The following PDE3B variants were observed in gnomAD, a reference collection of about 807,000 sequenced individuals.
PDE3B encodes the protein cGMP-inhibited 3',5'-cyclic phosphodiesterase 3B.
A neutral mutation model predicts 116.8 loss-of-function variants in PDE3B; 66 were observed. That is an observed-to-expected ratio of 0.56 (90% CI 0.46 to 0.69). PDE3B has a LOEUF of 0.69. Ranked by LOEUF, PDE3B falls within the 30% of genes least tolerant of loss-of-function variation. The probability of loss-of-function intolerance (pLI) is 0.00; values close to 1 mark genes in which losing one functional copy is unlikely to be tolerated. For missense variants in PDE3B, 1,384 were observed against 1,368.1 expected (o/e 1.01, Z -0.18); for synonymous variants, 595 against 533.6 (o/e 1.12, Z -1.59).
intron 12 of PDE3B, among the ~76,000 whole-genome samples, chr11:14,845,480 C>G (rs922137779): frequency 6.6e-6 from 1 of 152,198 alleles, no homozygotes; most frequent in Non-Finnish European, 1.5e-5. Flanking sequence ...TGGAACAAAG[C>G]TGGACGGAGA....
At chr11:14,681,491 TC>T (rs1285178166) in intron 1 of PDE3B, among the ~76,000 whole-genome samples, 1 of 152,128 alleles carries the variant, frequency 6.6e-6, no homozygotes, top group African/African-American at 2.4e-5. Flanking sequence ...TGTGAGGACT[TC>T]CCTGCCATGT....
chr11:14,653,702 A>G (rs549819287), intron 1 of PDE3B, among the ~76,000 whole-genome samples: 87 of 152,250 alleles, frequency 5.7e-4, no homozygotes, highest in Admixed American at 1.8e-3. Flanking sequence ...ACAGGTGATT[A>G]AAAAAACTGT....
chr11:14,805,655 A>G (rs1446612233), intron 5 of PDE3B, among the ~76,000 whole-genome samples: 1 of 152,242 alleles, frequency 6.6e-6, no homozygotes, highest in African/African-American at 2.4e-5. Flanking sequence ...ACAAAAGCTG[A>G]AATAATTTGT....
intron 7 of PDE3B, among the ~76,000 whole-genome samples, chr11:14,823,111 T>G (rs1859573866): frequency 6.6e-6 from 1 of 152,058 alleles, no homozygotes; most frequent in African/African-American, 2.4e-5. Flanking sequence ...CTCCCTGAGA[T>G]AGTGCTCCCG....
rs141243715 is a variant in PDE3B, at chr11:14,664,616, C to G, written c.978+19563C>G. 1.1e-3 allele frequency among the ~76,000 whole-genome samples: 174 copies of G among 152,222 alleles called. 2 individuals are homozygous for G. The East Asian group carries it at 0.012, about 11-fold the overall frequency. ...ACCAATCCCACAGAAATACAAACTACCGTCAGAGGATACTACAAACAGCTC... is the reference window on the plus strand; with the variant it reads ...ACCAATCCCACAGAAATACAAACTAGCGTCAGAGGATACTACAAACAGCTC... On this transcript the variant is annotated intron_variant, in intron 1 of 15. Transcript: ENST00000282096.
intron 12 of PDE3B, among the ~76,000 whole-genome samples, chr11:14,850,207 A>T (rs1189166185): frequency 6.6e-6 from 1 of 152,114 alleles, no homozygotes; most frequent in African/African-American, 2.4e-5. Context: ...ATGAAATTGG[A>T]AATCATCATT....
the PDE3B span, chr11:14,880,752 T>G: frequency 6.2e-7 from 1 of 1,608,078 alleles, no homozygotes; most frequent in Non-Finnish European, 8.5e-7. Flanking sequence ...CTCGGCCATA[T>G]CTGGAATTGA....
At chr11:14,841,378 T>TATATATATTCATATATATATATGAATA (rs1565159992) in intron 11 of PDE3B, among the ~76,000 whole-genome samples, 1 of 147,808 alleles carries the variant, frequency 6.8e-6, no homozygotes, top group Non-Finnish European at 1.5e-5. Context: ...ATATATGAAT[T>TATATATATTCATATATATATATGAATA]ATATATATTC....
intron 1 of PDE3B, among the ~76,000 whole-genome samples, chr11:14,766,879 C>T (rs1857512757): frequency 6.6e-6 from 1 of 151,588 alleles, no homozygotes; most frequent in South Asian, 2.1e-4. Flanking sequence ...GAGGTAAACA[C>T]AAAAACTTGT....
At chr11:14,867,787 T>A (rs781954819) in intron 15 of PDE3B, 29 bp downstream of exon 15, 2 of 1,566,134 alleles carry the variant, frequency 1.3e-6, no homozygotes, top group Non-Finnish European at 1.7e-6. Flanking sequence ...TATAATTTAT[T>A]TAATGTTATA....
intron 12 of PDE3B, among the ~76,000 whole-genome samples, chr11:14,851,608 A>G (rs1847756499): frequency 6.6e-6 from 1 of 152,060 alleles, no homozygotes; most frequent in Non-Finnish European, 1.5e-5. Context: ...TTCCAGAGGT[A>G]ACTTTCTGAT....
At chr11:14,750,219 C>T (rs1857021758) in intron 1 of PDE3B, among the ~76,000 whole-genome samples, 1 of 151,644 alleles carries the variant, frequency 6.6e-6, no homozygotes, top group Admixed American at 6.6e-5. Context: ...CCAGAAATAC[C>T]CTCCTAGATA....
intron 1 of PDE3B, among the ~76,000 whole-genome samples, chr11:14,746,310 A>G (rs368121260): frequency 8.3e-4 from 126 of 152,258 alleles, no homozygotes; most frequent in African/African-American, 2.8e-3. Context: ...ACAAGAACCC[A>G]GGAGGCGGAG....
At chr11:14,673,722 GGT>G (rs1403887086) in intron 1 of PDE3B, 1 of 760,326 alleles carries the variant, frequency 1.3e-6, no homozygotes. Flanking sequence ...CTCATCCAGA[GGT>G]GTATAGGCCA....
At chr11:14,739,334 G>T (rs1054780708) in intron 1 of PDE3B, among the ~76,000 whole-genome samples, 12 of 152,210 alleles carry the variant, frequency 7.9e-5, no homozygotes, top group African/African-American at 9.6e-5. Context: ...TTGTAAGTTG[G>T]ATTCCTAGGT....
At chr11:14,852,425 G>A (rs1555005371) in intron 12 of PDE3B, among the ~76,000 whole-genome samples, 1 of 152,170 alleles carries the variant, frequency 6.6e-6, no homozygotes, top group Non-Finnish European at 1.5e-5. Flanking sequence ...AGAAATGAGT[G>A]AATTCCAATG....
intron 11 of PDE3B, among the ~76,000 whole-genome samples, chr11:14,843,280 G>A (rs532613171): frequency 4.6e-5 from 7 of 152,028 alleles, no homozygotes; most frequent in South Asian, 2.1e-4. Context: ...TTTTTATTCC[G>A]TTATATTATA....
chr11:14,776,506 A>G (rs1391836173), intron 2 of PDE3B: 1 of 152,480 alleles, frequency 6.6e-6, no homozygotes, highest in Non-Finnish European at 1.5e-5. Flanking sequence ...ACTGTGGACT[A>G]GTGGGAACCC....
Position 14,835,004 on chromosome 11 carries a change from A to G in PDE3B, c.2229A>G (p.Thr743=). The G allele has an allele frequency of 1.2e-6, 2 of 1,611,924 alleles. No homozygotes were observed. Among genetic ancestry groups the G allele is most frequent in the Non-Finnish European group, 1.7e-6 (2 of 1,178,548 alleles). ...TAGATCACAATCGTATACATGCCAC[A>G]GATGTGCTACATGCAGTTTGGTATC... ...DIPYHNRIHA[T]DVLHAVWYLT... is the part of the protein sequence containing the mutation. The change falls in exon 11 of 16, where the codon ACA becomes ACG. Residue 743 remains threonine, a synonymous_variant. Transcript: ENST00000282096.
Sources: allele counts gnomAD v4.1 joint callset (sites outside exome capture counted in the v4.1 genomes callset), GRCh38; gene constraint gnomAD v4.1.1; transcripts MANE v1.5; gene names NCBI Gene and HGNC (gene_info 2026-07-23, HGNC 2026-07-21).